DYNC2I2: variants seen among roughly 807,000 people sequenced by gnomAD.
DYNC2I2 encodes dynein 2 intermediate chain 2.
Under a neutral mutation model 52.0 loss-of-function variants are expected in DYNC2I2, and 39 were observed. The ratio of observed to expected loss-of-function variants is 0.75; its 90% CI spans 0.58 to 0.98. The LOEUF (loss-of-function observed/expected upper bound fraction) is 0.98. Ranked by LOEUF, DYNC2I2 falls within the 50% of genes least tolerant of loss-of-function variation. The probability of loss-of-function intolerance (pLI) is 0.00; values close to 1 mark genes in which losing one functional copy is unlikely to be tolerated. For synonymous variants in DYNC2I2, 359 were observed against 321.1 expected (o/e 1.12, Z -1.26); for missense variants, 743 against 728.4 (o/e 1.02, Z -0.23).
upstream of DYNC2I2, among the ~76,000 whole-genome samples, chr9:128,657,492 AAAAAAT>A (rs1860855181): frequency 6.6e-6 from 1 of 152,066 alleles, no homozygotes; most frequent in South Asian, 2.1e-4. Flanking sequence ...CCTGAGGACT[AAAAAAT>A]AAAAATAAAG....
the DYNC2I2 span, among the ~76,000 whole-genome samples, chr9:128,678,647 A>C: frequency 1.1e-4 from 16 of 150,938 alleles, no homozygotes; most frequent in Non-Finnish European, 2.4e-4. Flanking sequence ...TTTTTAGTAG[A>C]GATGGGGTTT....
chr9:128,636,870 G>T, intron 3 of DYNC2I2, 48 bp downstream of exon 3: 1 of 1,422,420 alleles, frequency 7.0e-7, no homozygotes, highest in Non-Finnish European at 9.8e-7. Flanking sequence ...GGCCCAAGGA[G>T]GGTCCTGGGG....
At chr9:128,663,786 G>A in the DYNC2I2 span, among the ~76,000 whole-genome samples, 1 of 150,754 alleles carries the variant, frequency 6.6e-6, no homozygotes, top group South Asian at 2.1e-4. Context: ...CCTAGTAGCT[G>A]GGACTACAGG....
rs200425861 is a variant in DYNC2I2, at chr9:128,640,838, G to A, written c.288C>T (p.Ser96=). The change falls in exon 2 of 9, where the codon AGC becomes AGT. Residue 96 remains serine, a synonymous_variant. Coordinates refer to ENST00000372715, the MANE Select transcript of DYNC2I2 (RefSeq NM_052844.4). ...QVQTEAPVPV[S]VQPPSQYDIP... is the part of the protein sequence containing the mutation. ...TGTCATACTGGGACGGGGGCTGCAC[G>A]CTGACAGGCACGGGGGCCTCCGTCT... 35 of 1,613,944 alleles carry A rather than the reference G, an allele frequency of 2.2e-5. No individual in the cohort carries two copies. Among genetic ancestry groups the A allele is most frequent in the South Asian group, 1.5e-4 (14 of 91,060 alleles).
the DYNC2I2 span, chr9:128,683,888 C>A: frequency 1.3e-6 from 2 of 1,548,900 alleles, no homozygotes; most frequent in Admixed American, 2.0e-5. Context: ...TGGGACTTCC[C>A]TAACAGCATG....
chr9:128,680,538 C>G, the DYNC2I2 span, among the ~76,000 whole-genome samples: 6 of 151,424 alleles, frequency 4.0e-5, no homozygotes, highest in Non-Finnish European at 8.8e-5. Context: ...CCACCATGCT[C>G]GGCTAATTTT....
chr9:128,680,661 G>A, the DYNC2I2 span, among the ~76,000 whole-genome samples: 16 of 151,192 alleles, frequency 1.1e-4, no homozygotes, highest in Non-Finnish European at 1.8e-4. Context: ...ACAGGTGTGA[G>A]CCACCGTGCC....
chr9:128,655,011 TCTC>T (rs1391131214), intron 1 of DYNC2I2, among the ~76,000 whole-genome samples: 1 of 151,922 alleles, frequency 6.6e-6, no homozygotes, highest in Non-Finnish European at 1.5e-5. Flanking sequence ...TCCGTCTTCT[TCTC>T]TGATGAGTCC....
At chr9:128,671,408 TCTC>T in the DYNC2I2 span, among the ~76,000 whole-genome samples, 1 of 150,648 alleles carries the variant, frequency 6.6e-6, no homozygotes, top group Non-Finnish European at 1.5e-5. Context: ...TTCAAGCAAT[TCTC>T]CTGCCTCAGC....
chr9:128,647,074 G>C (rs1000609945), intron 1 of DYNC2I2, among the ~76,000 whole-genome samples: 1 of 152,198 alleles, frequency 6.6e-6, no homozygotes, highest in Non-Finnish European at 1.5e-5. Context: ...GTGGTGAGCT[G>C]AGATTGCGCC....
chr9:128,653,729 A>AAAAAAAAACTG (rs1860763919), intron 1 of DYNC2I2, among the ~76,000 whole-genome samples: 1 of 130,428 alleles, frequency 7.7e-6, no homozygotes, highest in African/African-American at 3.0e-5. Flanking sequence ...AAAAAAACCC[A>AAAAAAAAACTG]GGCCGGGCGC....
At position 128,640,906 on chromosome 9, in the gene DYNC2I2, T is replaced by C; in HGVS notation, c.220A>G (p.Ser74Gly). 1 of 1,603,568 alleles carries C rather than the reference T, an allele frequency of 6.2e-7. No homozygotes were observed. Among genetic ancestry groups the C allele is most frequent in the Non-Finnish European group, 8.5e-7 (1 of 1,173,376 alleles). ...TGATTCCTGGCCTGGGCGGATGCAC[T>C]GGCAGTGGCAATGCTGGCCGTCTGG... ...SCQTASIATA[S>G]ASAQARNHVD... is the part of the protein sequence containing the mutation. Residue 74 changes from serine (S) to glycine (G), a missense_variant, in exon 2 of 9, where the codon AGT becomes GGT. Transcript: ENST00000372715.
intron 1 of DYNC2I2, among the ~76,000 whole-genome samples, chr9:128,646,755 G>A (rs572563104): frequency 6.6e-6 from 1 of 152,352 alleles, no homozygotes; most frequent in African/African-American, 2.4e-5. Flanking sequence ...GGCCAATGAA[G>A]GTGGATCATT....
upstream of DYNC2I2, chr9:128,656,934 A>G (rs1860842278): frequency 4.1e-6 from 2 of 492,538 alleles, no homozygotes; most frequent in Non-Finnish European, 6.6e-6. Flanking sequence ...CTGTCCCCAG[A>G]AAAAGCACTC....
rs1254498454 is a variant in DYNC2I2, at chr9:128,651,319, G to C, written c.186+5222C>G. On this transcript the variant is annotated intron_variant, in intron 1 of 8. Coordinates refer to ENST00000372715, the MANE Select transcript of DYNC2I2 (RefSeq NM_052844.4). Reference sequence around the variant, plus strand: ...GGTCGAGGTGGGCAGATCACTTGAGGTCAGGAGTTCAAGACCAGCCTGACC... The same window carrying C: ...GGTCGAGGTGGGCAGATCACTTGAGCTCAGGAGTTCAAGACCAGCCTGACC... 2 of 56,054 alleles carry C rather than the reference G, an allele frequency of 3.6e-5. 1 individual carries two copies. Among genetic ancestry groups the C allele is most frequent in the Admixed American group, 4.2e-4 (2 of 4,774 alleles). The allele number at this position is 56,054 out of a possible 1,614,324, so 3.5% of individuals were successfully genotyped here.
the DYNC2I2 span, among the ~76,000 whole-genome samples, chr9:128,664,327 C>A: frequency 2.6e-5 from 4 of 152,090 alleles, no homozygotes; most frequent in East Asian, 7.7e-4. Flanking sequence ...AAAGCCAACT[C>A]ATTAGGGAAA....
rs1453406506 is a variant in DYNC2I2, at chr9:128,634,890, G to A, written c.1013C>T (p.Thr338Met). 1.1e-5 allele frequency: 18 copies of A among 1,613,080 alleles called. No homozygotes were observed. The highest frequency in any genetic ancestry group is 3.3e-5 in the Admixed American group (2 of 59,996). ...HPRGETEVGATAVAFSSFDPR... is the reference protein window; with the variant it reads ...HPRGETEVGAMAVAFSSFDPR... Reference sequence around the variant, plus strand: ...GTCAAAGCTGGAGAAGGCCACTGCCGTGGCGCCCACCTCGGTCTCCCCGCG... The same window carrying A: ...GTCAAAGCTGGAGAAGGCCACTGCCATGGCGCCCACCTCGGTCTCCCCGCG... The change falls in exon 7 of 9, where the codon ACG (threonine) becomes ATG (methionine). Residue 338 changes from threonine (T) to methionine (M), a missense_variant. Transcript: ENST00000372715.
In DYNC2I2 at chr9:128,656,601, G is replaced by C. The variant is rs1347111276; in HGVS notation, c.126C>G (p.Thr42=). Residue 42 remains threonine, a synonymous_variant, in exon 1 of 9, where the codon ACC becomes ACG. Coordinates refer to ENST00000372715, the MANE Select transcript of DYNC2I2 (RefSeq NM_052844.4). The part of the protein sequence containing the change: ...PGRPGPLQDE[T]LGVASVPSQW... ...GCGAGGGCACGGACGCCACACCCAG[G>C]GTCTCGTCCTGCAGCGGCCCTGGCC... 2 of 1,491,498 alleles carry C rather than the reference G, an allele frequency of 1.3e-6. No individual in the cohort carries two copies. The highest frequency in any genetic ancestry group is 1.8e-6 in the Non-Finnish European group (2 of 1,128,720). 92.4% of individuals were successfully genotyped at this position (1,491,498 alleles called of 1,614,324 possible).
the DYNC2I2 span, among the ~76,000 whole-genome samples, chr9:128,679,349 G>A: frequency 1.5e-4 from 23 of 152,186 alleles, no homozygotes; most frequent in African/African-American, 4.6e-4. Context: ...GGGAATCGAT[G>A]AGGGACATGG....
Sources: allele counts gnomAD v4.1 joint callset (sites outside exome capture counted in the v4.1 genomes callset), GRCh38; gene constraint gnomAD v4.1.1; transcripts MANE v1.5; gene names NCBI Gene and HGNC (gene_info 2026-07-23, HGNC 2026-07-21).